GLRA1: variants seen among roughly 807,000 people sequenced by gnomAD.
GLRA1 encodes glycine receptor alpha 1, also known as glycine receptor subunit alpha-1.
GLRA1 carries 37 observed loss-of-function variants against 48.3 expected under a neutral mutation model. That is an observed-to-expected ratio of 0.77 (90% CI 0.59 to 1.01). GLRA1 has a LOEUF of 1.01. Ranked by LOEUF, GLRA1 falls within the 50% of genes least tolerant of loss-of-function variation. The probability of loss-of-function intolerance (pLI) is 0.00; values close to 1 mark genes in which losing one functional copy is unlikely to be tolerated. For synonymous variants in GLRA1, 196 were observed against 210.7 expected (o/e 0.93, Z 0.60); for missense variants, 427 against 571.0 (o/e 0.75, Z 2.57).
intron 3 of GLRA1, among the ~76,000 whole-genome samples, chr5:151,861,944 T>C (rs1472142774): frequency 6.6e-6 from 1 of 152,234 alleles, no homozygotes; most frequent in African/African-American, 2.4e-5. Context: ...AATGTTCATA[T>C]GGAACCAAAG....
At chr5:151,869,031 G>T (rs1176857700) in intron 3 of GLRA1, among the ~76,000 whole-genome samples, 2 of 152,090 alleles carry the variant, frequency 1.3e-5, no homozygotes, top group Non-Finnish European at 2.9e-5. Context: ...AGATCAATGT[G>T]AATTTAATAA....
At chr5:151,904,731 G>A (rs77040356) in intron 1 of GLRA1, among the ~76,000 whole-genome samples, 2,840 of 152,240 alleles carry the variant, frequency 0.019, 89 homozygotes, top group African/African-American at 0.065. Flanking sequence ...GTAGTTGTTG[G>A]TCGTAAGCTT....
intron 3 of GLRA1, among the ~76,000 whole-genome samples, chr5:151,885,926 T>C (rs962772091): frequency 1.3e-5 from 2 of 152,138 alleles, no homozygotes; most frequent in Non-Finnish European, 2.9e-5. Flanking sequence ...AAGCCAGCCA[T>C]GATGGAAGCC....
intron 7 of GLRA1, among the ~76,000 whole-genome samples, chr5:151,840,316 C>T (rs1763684129): frequency 1.3e-5 from 2 of 152,186 alleles, no homozygotes; most frequent in South Asian, 2.1e-4. Context: ...TCAGGCTGGT[C>T]TTGGACTACT....
chr5:151,834,905 G>A (rs1013895602), intron 7 of GLRA1, among the ~76,000 whole-genome samples: 7 of 151,938 alleles, frequency 4.6e-5, no homozygotes, highest in Middle Eastern at 3.4e-3. Flanking sequence ...GCAGGCGCCT[G>A]TAGTCCCAGC....
intron 1 of GLRA1, among the ~76,000 whole-genome samples, chr5:151,917,333 T>A (rs1285398757): frequency 1.3e-5 from 2 of 152,218 alleles, no homozygotes; most frequent in Non-Finnish European, 2.9e-5. Context: ...AAGCACTGAT[T>A]TAAAGACTCT....
chr5:151,882,807 T>C (rs966419554), intron 3 of GLRA1, among the ~76,000 whole-genome samples: 2 of 152,056 alleles, frequency 1.3e-5, no homozygotes, highest in African/African-American at 4.8e-5. Context: ...CACAAATAAT[T>C]AAGAAGCCAG....
intron 1 of GLRA1, among the ~76,000 whole-genome samples, chr5:151,905,478 T>C (rs7726087): frequency 0.016 from 2,363 of 152,128 alleles, 52 homozygotes; most frequent in African/African-American, 0.053. Context: ...TATTTTGCTC[T>C]CCCACAATTG....
rs541742592 is a variant in GLRA1 at position 151,921,664 on chromosome 5, C to T, written c.56+2830G>A. Among the ~76,000 whole-genome samples, 328 of 152,248 alleles carry T rather than the reference C, an allele frequency of 2.2e-3. 1 individual carries two copies. Among genetic ancestry groups the T allele is most frequent in the Middle Eastern group, 0.02 (6 of 294 alleles). On this transcript the variant is annotated intron_variant, in intron 1 of 8. Transcript: ENST00000274576. ...CTGGGGATCAAAGCCAAGTTCACTT[C>T]GGCTTGAGAGGACATTTGAAAGAAA... is the stretch of plus-strand genomic sequence containing the variant.
chr5:151,891,929 G>T (rs1414082422), intron 2 of GLRA1, among the ~76,000 whole-genome samples: 1 of 152,132 alleles, frequency 6.6e-6, no homozygotes, highest in Non-Finnish European at 1.5e-5. Context: ...TTACTATACA[G>T]ATGAAGAAAC....
At chr5:151,864,098 C>A (rs1480016362) in intron 3 of GLRA1, among the ~76,000 whole-genome samples, 3 of 151,808 alleles carry the variant, frequency 2.0e-5, no homozygotes, top group Non-Finnish European at 4.4e-5. Flanking sequence ...TGGAAATAGT[C>A]TCTCCTTCTC....
At chr5:151,860,628 C>T (rs988082516) in intron 3 of GLRA1, among the ~76,000 whole-genome samples, 3 of 152,186 alleles carry the variant, frequency 2.0e-5, no homozygotes, top group Non-Finnish European at 4.4e-5. Context: ...TCATCCCATT[C>T]GCTTTTAATA....
intron 1 of GLRA1, among the ~76,000 whole-genome samples, chr5:151,907,438 G>T (rs538637665): frequency 1.1e-4 from 17 of 152,254 alleles, no homozygotes; most frequent in Admixed American, 3.3e-4. Flanking sequence ...TTAGGCAAAT[G>T]ACAGGTTGGA....
intron 8 of GLRA1, among the ~76,000 whole-genome samples, chr5:151,823,795 A>G (rs1204409119): frequency 6.6e-6 from 1 of 151,862 alleles, no homozygotes; most frequent in South Asian, 2.1e-4. Flanking sequence ...CCTTATGCTC[A>G]CTACCAAAAT....
chr5:151,863,989 A>G (rs185189068), intron 3 of GLRA1, among the ~76,000 whole-genome samples: 119 of 152,324 alleles, frequency 7.8e-4, no homozygotes, highest in Non-Finnish European at 1.6e-3. Flanking sequence ...TATAAGTCCC[A>G]TGGTGGTGGA....
chr5:151,870,959 C>T (rs1193971890), intron 3 of GLRA1, among the ~76,000 whole-genome samples: 2 of 149,820 alleles, frequency 1.3e-5, no homozygotes, highest in Non-Finnish European at 1.5e-5. Flanking sequence ...TTCAGTCATT[C>T]GTGGGTTTGA....
chr5:151,888,356 C>G (rs568464154), intron 2 of GLRA1, among the ~76,000 whole-genome samples: 16 of 152,222 alleles, frequency 1.1e-4, no homozygotes, highest in Non-Finnish European at 1.6e-4. Flanking sequence ...TTGGACATAA[C>G]TCCAGCACTC....
chr5:151,831,921 C>G (rs999967425), intron 7 of GLRA1, among the ~76,000 whole-genome samples: 5 of 152,158 alleles, frequency 3.3e-5, no homozygotes, highest in African/African-American at 1.2e-4. Context: ...CTGGCAGGTG[C>G]CCCTCTGGGA....
At position 151,822,844 on chromosome 5, in the gene GLRA1, G is replaced by C; in HGVS notation, c.1179C>G (p.Pro393=). 6.2e-7 allele frequency: 1 copy of C among 1,614,150 alleles called. No individual in the cohort carries two copies. The highest frequency in any genetic ancestry group is 1.1e-5 in the South Asian group (1 of 91,076). ...KGANNSNTTN[P]PPAPSKSPEE... is the part of the protein sequence containing the mutation. Reference sequence around the variant, plus strand: ...CTGGGGACTTAGATGGTGCAGGAGGGGGGTTGGTGGTGTTACTGTTGTTGG... The same window carrying C: ...CTGGGGACTTAGATGGTGCAGGAGGCGGGTTGGTGGTGTTACTGTTGTTGG... Residue 393 remains proline, a synonymous_variant, in exon 9 of 9, where the codon CCC becomes CCG. Transcript: ENST00000274576.
Sources: allele counts gnomAD v4.1 joint callset (sites outside exome capture counted in the v4.1 genomes callset), GRCh38; gene constraint gnomAD v4.1.1; transcripts MANE v1.5; gene names NCBI Gene and HGNC (gene_info 2026-07-23, HGNC 2026-07-21).